The following FSTL5 variants were observed in gnomAD, a reference collection of about 807,000 sequenced individuals.
FSTL5 encodes the protein follistatin-related protein 5.
FSTL5 carries 62 observed loss-of-function variants against 89.1 expected under a neutral mutation model. That is an observed-to-expected ratio of 0.70 (90% CI 0.57 to 0.86). The LOEUF is 0.86. Among genes scored for constraint, FSTL5 ranks in the 40% least tolerant of loss-of-function variants. FSTL5 has a pLI of 0.00. For missense variants in FSTL5, 1,057 were observed against 1,001.6 expected (o/e 1.06, Z -0.75); for synonymous variants, 383 against 346.2 (o/e 1.11, Z -1.18).
chr4:161,494,984 C>G (rs1730013092), intron 12 of FSTL5, among the ~76,000 whole-genome samples: 1 of 152,040 alleles, frequency 6.6e-6, no homozygotes, highest in African/African-American at 2.4e-5. Context: ...ATCACTTGAG[C>G]CCAGGAACTT....
Position 161,720,211 on chromosome 4 carries a change from A to G in FSTL5, c.727+39200T>C, listed in dbSNP as rs866852572. On this transcript the variant is annotated intron_variant, in intron 6 of 15. Coordinates refer to ENST00000306100, the MANE Select transcript of FSTL5 (RefSeq NM_020116.5). ...AGCCCTACAACACAATAGCAAAAAA[A>G]AAAAAAAAATCCAATTAAAAGACAT... Among the ~76,000 whole-genome samples, 973 of 152,092 alleles carry G rather than the reference A, an allele frequency of 6.4e-3. 12 individuals carry two copies. Among genetic ancestry groups the G allele is most frequent in the African/African-American group, 0.022 (901 of 41,542 alleles).
intron 7 of FSTL5, among the ~76,000 whole-genome samples, chr4:161,637,418 G>A (rs1208553412): frequency 1.4e-5 from 2 of 144,666 alleles, no homozygotes; most frequent in African/African-American, 5.3e-5. Flanking sequence ...TAGGTTGCCT[G>A]TTCACTCTGA....
At chr4:162,000,459 G>A (rs62329593) in intron 3 of FSTL5, among the ~76,000 whole-genome samples, 3 of 151,362 alleles carry the variant, frequency 2.0e-5, no homozygotes, top group African/African-American at 4.9e-5. Context: ...TTAGCCGGGC[G>A]TGGTGGCAGG....
intron 9 of FSTL5, among the ~76,000 whole-genome samples, 172 bp downstream of exon 9, chr4:161,542,360 T>C (rs1731847946): frequency 6.6e-6 from 1 of 152,118 alleles, no homozygotes; most frequent in African/African-American, 2.4e-5. Context: ...CACTAAAATG[T>C]TAAAAGAATC....
chr4:161,613,829 A>T (rs1318272428), intron 7 of FSTL5, among the ~76,000 whole-genome samples: 2 of 152,210 alleles, frequency 1.3e-5, no homozygotes, highest in Non-Finnish European at 2.9e-5. Flanking sequence ...AAGTACCTAA[A>T]TCTAAAAGTC....
intron 3 of FSTL5, among the ~76,000 whole-genome samples, chr4:162,021,215 T>C (rs1254555008): frequency 1.3e-5 from 2 of 152,094 alleles, no homozygotes; most frequent in African/African-American, 2.4e-5. Context: ...CAACTGCAAA[T>C]AAGCATTTTT....
At chr4:161,719,195 G>A (rs1739106327) in intron 6 of FSTL5, among the ~76,000 whole-genome samples, 1 of 152,064 alleles carries the variant, frequency 6.6e-6, no homozygotes, top group African/African-American at 2.4e-5. Flanking sequence ...AACATTTATT[G>A]ATGACAACAT....
chr4:161,438,717 G>T (rs929877372), intron 15 of FSTL5, among the ~76,000 whole-genome samples: 1 of 151,914 alleles, frequency 6.6e-6, no homozygotes, highest in Non-Finnish European at 1.5e-5. Context: ...TTAAATTGAT[G>T]AATCAAATGT....
chr4:162,059,812 G>A (rs760492335), intron 2 of FSTL5, among the ~76,000 whole-genome samples: 2 of 152,142 alleles, frequency 1.3e-5, no homozygotes, highest in Non-Finnish European at 2.9e-5. Context: ...AAGATGGACT[G>A]CAAAGAAGAT....
At chr4:161,424,226 GT>G (rs143652958) in intron 15 of FSTL5, among the ~76,000 whole-genome samples, 2,326 of 151,688 alleles carry the variant, frequency 0.015, 54 homozygotes, top group African/African-American at 0.053. Flanking sequence ...GGGGAAATAG[GT>G]TTGTGCTGAC....
intron 1 of FSTL5, among the ~76,000 whole-genome samples, chr4:162,144,054 C>T (rs777914525): frequency 6.6e-6 from 1 of 152,130 alleles, no homozygotes; most frequent in Non-Finnish European, 1.5e-5. Flanking sequence ...AAAACAAAAC[C>T]TGCTGGCAGA....
chr4:161,837,910 G>T (rs1052914338), intron 4 of FSTL5, among the ~76,000 whole-genome samples: 3 of 151,968 alleles, frequency 2.0e-5, no homozygotes, highest in African/African-American at 7.2e-5. Context: ...TGACTTTCAG[G>T]ATCAATAATA....
At chr4:161,746,777 T>C (rs1017792271) in intron 6 of FSTL5, among the ~76,000 whole-genome samples, 2 of 152,204 alleles carry the variant, frequency 1.3e-5, no homozygotes, top group Admixed American at 6.5e-5. Flanking sequence ...AATTTCTCAT[T>C]ATTATGTTCA....
chr4:161,499,633 C>T (rs1730226292), intron 12 of FSTL5, among the ~76,000 whole-genome samples: 1 of 152,096 alleles, frequency 6.6e-6, no homozygotes, highest in Non-Finnish European at 1.5e-5. Flanking sequence ...ATCTAATATA[C>T]ACCAGCTTCC....
intron 7 of FSTL5, among the ~76,000 whole-genome samples, chr4:161,636,054 G>A (rs1428761327): frequency 6.7e-6 from 1 of 149,462 alleles, no homozygotes; most frequent in African/African-American, 2.5e-5. Context: ...AGATATGATA[G>A]TACCCAATGT....
intron 4 of FSTL5, among the ~76,000 whole-genome samples, chr4:161,848,163 T>G (rs1553971165): frequency 6.6e-6 from 1 of 151,132 alleles, no homozygotes; most frequent in Non-Finnish European, 1.5e-5. Context: ...TTCAGAATAC[T>G]AAAATGACTT....
At chr4:161,482,845 T>G (rs1389372076) in intron 12 of FSTL5, among the ~76,000 whole-genome samples, 1 of 152,230 alleles carries the variant, frequency 6.6e-6, no homozygotes, top group Non-Finnish European at 1.5e-5. Flanking sequence ...CATTAATTTT[T>G]AAGATCTGGT....
intron 1 of FSTL5, among the ~76,000 whole-genome samples, 140 bp downstream of exon 1, chr4:162,163,463 AATAATAGTAATT>A (rs1733771954): frequency 3.5e-5 from 1 of 28,908 alleles, no homozygotes; most frequent in African/African-American, 9.3e-5. Context: ...TAATAATAAT[AATAATAGTAATT>A]ATTAAAATAT....
chr4:161,855,846 C>T (rs968906592), intron 4 of FSTL5, among the ~76,000 whole-genome samples: 1 of 151,856 alleles, frequency 6.6e-6, no homozygotes, highest in African/African-American at 2.4e-5. Context: ...ACCTGTATTA[C>T]AAAAGTGTGT....
Sources: gnomAD v4.1 joint callset for allele counts (sites outside exome capture counted in the v4.1 genomes callset) on GRCh38, gnomAD v4.1.1 for gene constraint, MANE v1.5 for transcripts, NCBI Gene and HGNC (gene_info 2026-07-23, HGNC 2026-07-21) for gene names.